The following GDAP1 variants were observed in gnomAD, a reference collection of about 807,000 sequenced individuals.
GDAP1 encodes the protein ganglioside induced differentiation associated protein 1.
GDAP1 carries 34 observed loss-of-function variants against 40.1 expected under a neutral mutation model. The ratio of observed to expected loss-of-function variants is 0.85; its 90% CI spans 0.64 to 1.13. The LOEUF (loss-of-function observed/expected upper bound fraction) is 1.13, where lower values mean the gene tolerates loss of function less well. Among genes scored for constraint, GDAP1 ranks in the 50% most tolerant of loss-of-function variants. The pLI is 0.00. For synonymous variants in GDAP1, 170 were observed against 157.4 expected, an observed-to-expected ratio of 1.08 and a Z score of -0.60; for missense variants, 374 against 433.7, an observed-to-expected ratio of 0.86 and a Z score of 1.22.
chr8:74,378,640 G>A (rs550505210), intron 2 of GDAP1, among the ~76,000 whole-genome samples: 1 of 152,338 alleles, frequency 6.6e-6, no homozygotes, highest in East Asian at 1.9e-4. Context: ...TTCTGAGCTA[G>A]CAGAGGCCAG....
chr8:74,455,111 A>T (rs1462170940), intron 2 of GDAP1, among the ~76,000 whole-genome samples: 1 of 152,014 alleles, frequency 6.6e-6, no homozygotes, highest in Non-Finnish European at 1.5e-5. Flanking sequence ...TAAAAGATTC[A>T]TCATAATTCT....
chr8:74,399,941 A>G (rs1195874808), intron 2 of GDAP1, among the ~76,000 whole-genome samples: 2 of 143,430 alleles, frequency 1.4e-5, no homozygotes, highest in Admixed American at 1.4e-4. Context: ...CTGTTCTTTT[A>G]CATTTGCTGA....
At chr8:74,440,084 T>G (rs1237146241) in intron 2 of GDAP1, among the ~76,000 whole-genome samples, 3 of 149,834 alleles carry the variant, frequency 2.0e-5, no homozygotes, top group African/African-American at 5.1e-5. Flanking sequence ...AATTTAAAAT[T>G]TTGATTGTAA....
intron 2 of GDAP1, among the ~76,000 whole-genome samples, chr8:74,390,491 C>G (rs945983528): frequency 1.3e-5 from 2 of 152,216 alleles, no homozygotes; most frequent in Non-Finnish European, 1.5e-5. Flanking sequence ...CCCTGTTTCC[C>G]TGGGTATCAC....
intron 2 of GDAP1, among the ~76,000 whole-genome samples, chr8:74,463,472 C>T (rs180922356): frequency 0.016 from 2,360 of 146,678 alleles, 69 homozygotes; most frequent in African/African-American, 0.054. Flanking sequence ...AAAAAAAAAA[C>T]AAAAATAGTA....
intron 3 of GDAP1, among the ~76,000 whole-genome samples, chr8:74,361,350 C>G (rs1809352470): frequency 6.6e-6 from 1 of 152,072 alleles, no homozygotes; most frequent in African/African-American, 2.4e-5. Flanking sequence ...CTAAGTGCTT[C>G]CCATGAAGCT....
intron 2 of GDAP1, among the ~76,000 whole-genome samples, chr8:74,392,884 C>G (rs1382300615): frequency 1.1e-4 from 16 of 152,190 alleles, no homozygotes; most frequent in Non-Finnish European, 4.4e-5. Flanking sequence ...AGATGAAGAA[C>G]ACCCATACTG....
chr8:74,430,327 G>A (rs1267179944), intron 2 of GDAP1, among the ~76,000 whole-genome samples: 2 of 152,236 alleles, frequency 1.3e-5, no homozygotes, highest in Non-Finnish European at 2.9e-5. Flanking sequence ...ACAGAAAGGT[G>A]TGTGGACATG....
intron 5 of GDAP1, among the ~76,000 whole-genome samples, chr8:74,363,766 G>A (rs985467514): frequency 2.0e-5 from 3 of 152,158 alleles, no homozygotes; most frequent in Admixed American, 1.3e-4. Flanking sequence ...GCTGACAGAC[G>A]TCAAGCAAGT....
At chr8:74,471,601 T>C (rs1185980980) in intron 2 of GDAP1, among the ~76,000 whole-genome samples, 1 of 152,204 alleles carries the variant, frequency 6.6e-6, no homozygotes, top group Non-Finnish European at 1.5e-5. Flanking sequence ...AACATGTATC[T>C]ACATATACTG....
chr8:74,358,148 G>A (rs1247326571), intron 2 of GDAP1, among the ~76,000 whole-genome samples: 1 of 152,234 alleles, frequency 6.6e-6, no homozygotes, highest in African/African-American at 2.4e-5. Context: ...GGCACACTGA[G>A]TAGAAGAAAA....
chr8:74,458,786 A>G (rs1041735818), intron 2 of GDAP1, among the ~76,000 whole-genome samples: 9 of 152,112 alleles, frequency 5.9e-5, no homozygotes, highest in Non-Finnish European at 1.2e-4. Flanking sequence ...TAGTGAGGTC[A>G]TATTGGATTA....
At chr8:74,370,425 T>C (rs1346798809), downstream of GDAP1, among the ~76,000 whole-genome samples, 1 of 152,106 alleles carries the variant, frequency 6.6e-6, no homozygotes, top group Admixed American at 6.6e-5. Flanking sequence ...GTGGGAAGTG[T>C]GAAGAAGGAA....
chr8:74,412,758 T>A (rs1805729768), intron 2 of GDAP1, among the ~76,000 whole-genome samples: 1 of 149,648 alleles, frequency 6.7e-6, no homozygotes, highest in South Asian at 2.1e-4. Context: ...GAGGGTGATT[T>A]AAAGATTTCT....
intron 2 of GDAP1, among the ~76,000 whole-genome samples, chr8:74,372,899 G>C (rs1260705767): frequency 6.6e-6 from 1 of 152,052 alleles, no homozygotes; most frequent in Non-Finnish European, 1.5e-5. Context: ...TATGGTTTTA[G>C]GTCTAACATT....
intron 2 of GDAP1, among the ~76,000 whole-genome samples, chr8:74,354,582 TA>T (rs1332204509): frequency 6.6e-6 from 1 of 152,192 alleles, no homozygotes; most frequent in African/African-American, 2.4e-5. Context: ...AGGCTAAATG[TA>T]AAATGGCTAT....
intron 2 of GDAP1, among the ~76,000 whole-genome samples, chr8:74,422,391 TTCCTTCTG>T (rs1184401151): frequency 7.4e-6 from 1 of 135,704 alleles, no homozygotes; most frequent in Non-Finnish European, 1.6e-5. Context: ...CCTTCCTTCC[TTCCTTCTG>T]TCTCTCTCTC....
chr8:74,421,159 C>T (rs945078903), intron 2 of GDAP1, among the ~76,000 whole-genome samples: 1 of 152,150 alleles, frequency 6.6e-6, no homozygotes, highest in Admixed American at 6.5e-5. Flanking sequence ...GGGACAGAAA[C>T]ATTGACCAAG....
chr8:74,371,693 A>T (rs1563449689), downstream of GDAP1, among the ~76,000 whole-genome samples: 1 of 152,144 alleles, frequency 6.6e-6, no homozygotes. Context: ...TGAGTTGAAT[A>T]ATAAAAATAC....
Sources: gnomAD v4.1 joint callset for allele counts (sites outside exome capture counted in the v4.1 genomes callset) on GRCh38, gnomAD v4.1.1 for gene constraint, MANE v1.5 for transcripts, NCBI Gene and HGNC (gene_info 2026-07-23, HGNC 2026-07-21) for gene names.